Variants in TANC2 observed in about 807,000 individuals in gnomAD.
TANC2 encodes the protein protein TANC2.
A neutral mutation model predicts 210.5 loss-of-function variants in TANC2; 26 were observed. The observed-to-expected ratio is 0.12, with a 90% confidence interval of 0.09 to 0.17. The LOEUF is 0.17. Among genes scored for constraint, TANC2 ranks in the 10% least tolerant of loss-of-function variants. The pLI is 1.00. For missense variants in TANC2, 2,129 were observed against 2,608.9 expected, an observed-to-expected ratio of 0.82 and a Z score of 4.01; for synonymous variants, 931 against 967.1, an observed-to-expected ratio of 0.96 and a Z score of 0.69.
intron 11 of TANC2, among the ~76,000 whole-genome samples, chr17:63,336,870 A>G (rs559029969): frequency 1.3e-5 from 2 of 152,310 alleles, no homozygotes; most frequent in East Asian, 3.9e-4. Flanking sequence ...CTAATCCTGA[A>G]CCATTCCCAA....
intron 2 of TANC2, among the ~76,000 whole-genome samples, chr17:63,014,696 T>G (rs887438924): frequency 2.0e-5 from 3 of 152,174 alleles, no homozygotes; most frequent in Admixed American, 2.0e-4. Flanking sequence ...GAATAACTAC[T>G]GTGTTAGTAG....
intron 18 of TANC2, chr17:63,397,104 A>G (rs994018883): frequency 3.3e-5 from 5 of 152,160 alleles, no homozygotes; most frequent in African/African-American, 1.2e-4. Context: ...GTGAAACCCC[A>G]TCTGTACTAA....
chr17:63,268,011 C>A (rs2043581691), intron 9 of TANC2, 138 bp downstream of exon 9: 3 of 932,370 alleles, frequency 3.2e-6, no homozygotes, highest in African/African-American at 3.4e-5. Flanking sequence ...AGCATGTGAC[C>A]AGTTCATTTC....
At chr17:63,186,934 A>G (rs2041010157) in intron 5 of TANC2, among the ~76,000 whole-genome samples, 1 of 152,196 alleles carries the variant, frequency 6.6e-6, no homozygotes, top group South Asian at 2.1e-4. Flanking sequence ...CATACCTCAA[A>G]GTTGTCGTCA....
chr17:63,149,974 C>G (rs2145392391), intron 4 of TANC2: 1 of 152,124 alleles, frequency 6.6e-6, no homozygotes, highest in South Asian at 2.1e-4. Context: ...ACTTAGTTGT[C>G]TGTTGGTTTT....
intron 3 of TANC2, chr17:63,088,500 C>T (rs963702396): frequency 2.6e-5 from 4 of 152,178 alleles, no homozygotes; most frequent in Admixed American, 2.6e-4. Context: ...TTGTGTTTCT[C>T]TCATGTGTGT....
At chr17:63,136,759 G>A (rs2039103984) in intron 4 of TANC2, among the ~76,000 whole-genome samples, 1 of 152,180 alleles carries the variant, frequency 6.6e-6, no homozygotes, top group South Asian at 2.1e-4. Context: ...GCATGGTAAT[G>A]TGATCCCTGA....
intron 7 of TANC2, among the ~76,000 whole-genome samples, chr17:63,216,703 G>T (rs1329594506): frequency 2.6e-5 from 4 of 152,148 alleles, no homozygotes; most frequent in Admixed American, 6.5e-5. Context: ...TGATTGTTGG[G>T]TGGCAGCAAA....
intron 6 of TANC2, among the ~76,000 whole-genome samples, chr17:63,196,049 A>T (rs894047315): frequency 6.6e-6 from 1 of 152,174 alleles, no homozygotes; most frequent in African/African-American, 2.4e-5. Flanking sequence ...GAGAGGTCTT[A>T]CTTAATTCCT....
rs543143628 is a variant in TANC2 at position 63,114,722 on chromosome 17, A to G, written c.322+15365A>G. ...ACTCCTTAGAGAAAGCTTTTAATAT[A>G]GCAAGACTGAAAAAAGAATAAAAAT... On this transcript the variant is annotated intron_variant, in intron 4 of 27. Transcript: ENST00000689528. 4.6e-5 allele frequency among the ~76,000 whole-genome samples: 7 copies of G among 152,318 alleles called. 1 individual carries two copies. In the South Asian group the frequency reaches 1.4e-3, roughly 32 times the overall value.
chr17:63,411,603 G>T (rs764467626), exon 22 of TANC2: 1 of 1,613,972 alleles, frequency 6.2e-7, no homozygotes, highest in Non-Finnish European at 8.5e-7. Flanking sequence ...TTCTCTGGTG[G>T]ATAACGGAGC....
intron 2 of TANC2, among the ~76,000 whole-genome samples, chr17:63,021,422 C>A (rs1471574327): frequency 6.6e-6 from 1 of 152,066 alleles, no homozygotes; most frequent in Non-Finnish European, 1.5e-5. Context: ...TTTGTGAGAG[C>A]TGGTTGTTAT....
chr17:62,999,408 G>A (rs1484171557), intron 1 of TANC2, among the ~76,000 whole-genome samples: 1 of 152,160 alleles, frequency 6.6e-6, no homozygotes, highest in African/African-American at 2.4e-5. Context: ...TGCAAGAACA[G>A]CCTAATACAC....
intron 14 of TANC2, among the ~76,000 whole-genome samples, chr17:63,358,976 T>TTGTGTGTG (rs34338483): frequency 0.11 from 15,862 of 147,808 alleles, 1,615 homozygotes; most frequent in African/African-American, 0.27. Flanking sequence ...AGATTAATAT[T>TTGTGTGTG]TGTGTGTGTG....
At chr17:63,073,130 A>G (rs1032227354) in intron 2 of TANC2, among the ~76,000 whole-genome samples, 4 of 152,088 alleles carry the variant, frequency 2.6e-5, no homozygotes, top group African/African-American at 4.8e-5. Flanking sequence ...AGTGATAACA[A>G]ATTTATAGGT....
At chr17:63,320,748 A>C (rs754159395) in intron 11 of TANC2, among the ~76,000 whole-genome samples, 1 of 151,982 alleles carries the variant, frequency 6.6e-6, no homozygotes, top group Non-Finnish European at 1.5e-5. Flanking sequence ...AATCCTTTTT[A>C]TCACCATTGT....
intron 8 of TANC2, among the ~76,000 whole-genome samples, chr17:63,255,103 A>T (rs202144020): frequency 9.5e-5 from 12 of 126,482 alleles, no homozygotes; most frequent in South Asian, 2.5e-4. Flanking sequence ...TTATTTATTT[A>T]TTTTTATTTA....
chr17:63,112,013 C>T (rs766113490), intron 4 of TANC2, among the ~76,000 whole-genome samples: 9 of 152,186 alleles, frequency 5.9e-5, no homozygotes, highest in South Asian at 2.1e-4. Flanking sequence ...CGTGAGCCAC[C>T]GCGCCCGGCC....
At chr17:63,286,522 C>G (rs117483863) in intron 9 of TANC2, among the ~76,000 whole-genome samples, 1 of 152,270 alleles carries the variant, frequency 6.6e-6, no homozygotes, top group East Asian at 1.9e-4. Flanking sequence ...CATTTCTTCT[C>G]TAGCTGCTTT....
Sources: gnomAD v4.1 joint callset for allele counts (sites outside exome capture counted in the v4.1 genomes callset) on GRCh38, gnomAD v4.1.1 for gene constraint, MANE v1.5 for transcripts, NCBI Gene and HGNC (gene_info 2026-07-23, HGNC 2026-07-21) for gene names.